Variants in LONRF2 observed in about 807,000 individuals in gnomAD.
The protein encoded by LONRF2 is LON peptidase N-terminal domain and RING finger protein 2.
Under a neutral mutation model 66.6 loss-of-function variants are expected in LONRF2, and 35 were observed. The observed-to-expected ratio is 0.53, with a 90% CI of 0.40 to 0.70. LONRF2 has a LOEUF of 0.70. LONRF2 is among the 30% of genes least tolerant of loss of function. LONRF2 has a pLI of 0.00. For missense variants in LONRF2, 902 were observed against 1,002.1 expected (o/e 0.90, Z 1.35); for synonymous variants, 417 against 418.1 (o/e 1.00, Z 0.03).
rs540829247 is a variant in LONRF2 at position 100,288,037 on chromosome 2, T to C, written c.1921-974A>G. Among the ~76,000 whole-genome samples, 8 of 152,292 alleles carry C rather than the reference T, an allele frequency of 5.3e-5. No individual in the cohort carries two copies. The South Asian group carries it at 1.7e-3, about 32-fold the overall frequency. On this transcript the variant is annotated intron_variant, in intron 10 of 11. Transcript: ENST00000393437. ...GTGATAGAGGATTTTCTTATAAAAA[T>C]AAGCTAAAATTATTTCATGTTGTAG...
rs1407677119 is a variant in LONRF2, at chr2:100,273,129, T to A, written c.*11169A>T. On this transcript the variant is annotated 3_prime_UTR_variant, in exon 12 of 12. Transcript: ENST00000393437. ...CAGAGGGAAGAAGGCCATGTGACGA[T>A]GGACACGGAAACTGGAGTGATGCAG... Among the ~76,000 whole-genome samples, 1 of 152,200 alleles carries A rather than the reference T, an allele frequency of 6.6e-6. No homozygotes were observed. Among genetic ancestry groups the A allele is most frequent in the African/African-American group, 2.4e-5 (1 of 41,440 alleles).
Position 100,302,925 on chromosome 2 carries a change from T to C in LONRF2, c.917A>G (p.Gln306Arg). 2 of 1,600,564 alleles carry C rather than the reference T, an allele frequency of 1.2e-6. No homozygotes were observed. The highest frequency in any genetic ancestry group is 8.5e-7 in the Non-Finnish European group (1 of 1,173,086). ...PECNSVKKEA[Q>R]KVMCEVLFSA... ...GTCCTTTAACAGAACTCATACCTTC[T>C]GTGCTTCTTTCTTCACAGAGTTACA... Residue 306 changes from glutamine (Q) to arginine (R), a missense_variant, in exon 3 of 12, where the codon CAG (glutamine) becomes CGG (arginine). Transcript: ENST00000393437.
At chr2:100,294,146 A>T in intron 9 of LONRF2, 83 bp downstream of exon 9, 1 of 1,525,932 alleles carries the variant, frequency 6.6e-7, no homozygotes, top group Non-Finnish European at 8.9e-7. Flanking sequence ...GTTTTCAAGC[A>T]TCAGCCTAAA....
At chr2:100,320,573 A>G (rs1446058752) in intron 1 of LONRF2, among the ~76,000 whole-genome samples, 2 of 152,242 alleles carry the variant, frequency 1.3e-5, no homozygotes, top group Non-Finnish European at 2.9e-5. Context: ...TTTAGTAACA[A>G]GAGATTCAAC....
chr2:100,297,347 C>T (rs944855721), intron 7 of LONRF2, among the ~76,000 whole-genome samples: 11 of 151,902 alleles, frequency 7.2e-5, no homozygotes, highest in Admixed American at 1.3e-4. Flanking sequence ...CCGTGTTAGC[C>T]GGGATGGTCT....
chr2:100,304,171 G>A (rs112892555), intron 2 of LONRF2, among the ~76,000 whole-genome samples: 2,970 of 149,238 alleles, frequency 0.02, 99 homozygotes, highest in African/African-American at 0.07. Context: ...TTCTTTTTTA[G>A]AGACAGGGTC....
At chr2:100,293,353 T>G (rs998705832) in intron 9 of LONRF2, among the ~76,000 whole-genome samples, 32 of 152,202 alleles carry the variant, frequency 2.1e-4, no homozygotes, top group African/African-American at 7.7e-4. Flanking sequence ...GGTGGAAAAT[T>G]CTGAGTGGCC....
intron 2 of LONRF2, among the ~76,000 whole-genome samples, chr2:100,307,019 G>C (rs1410768229): frequency 4.7e-5 from 7 of 149,792 alleles, no homozygotes; most frequent in Admixed American, 6.7e-5. Flanking sequence ...CTCCCGGGTT[G>C]ACGCCATTCT....
chr2:100,319,842 C>CAT (rs1286992534), intron 1 of LONRF2, among the ~76,000 whole-genome samples: 25 of 152,202 alleles, frequency 1.6e-4, no homozygotes, highest in African/African-American at 5.8e-4. Context: ...GGCACATATG[C>CAT]ATATACCTCT....
At chr2:100,306,171 C>T (rs879658889) in intron 2 of LONRF2, among the ~76,000 whole-genome samples, 3 of 152,140 alleles carry the variant, frequency 2.0e-5, no homozygotes, top group Admixed American at 6.5e-5. Flanking sequence ...GCCTCAGCCT[C>T]CCAAAGTGCT....
chr2:100,318,279 T>C (rs1675549159), intron 1 of LONRF2, among the ~76,000 whole-genome samples: 1 of 152,230 alleles, frequency 6.6e-6, no homozygotes, highest in Non-Finnish European at 1.5e-5. Context: ...ATTTTGAATT[T>C]CCAGGATACC....
Position 100,290,345 on chromosome 2 carries a change from C to G in LONRF2, c.1833G>C (p.Ala611=), listed in dbSNP as rs199722110. The G allele has an allele frequency of 3.7e-6, 6 of 1,614,180 alleles. No homozygotes were observed. In the Middle Eastern group the frequency reaches 6.6e-4, roughly 178 times the overall value. ...TFPDGSSVVD[A]IGISRFRVLS... is the part of the protein sequence containing the mutation. ...GCACTCGGAACCGACTGATGCCAAT[C>G]GCGTCTACAACAGAACTTCCATCAG... Residue 611 remains alanine, a synonymous_variant, in exon 10 of 12, where the codon GCG becomes GCC. Coordinates refer to ENST00000393437, the MANE Select transcript of LONRF2 (RefSeq NM_198461.4).
At chr2:100,316,630 A>G (rs1675513661) in intron 1 of LONRF2, among the ~76,000 whole-genome samples, 1 of 151,636 alleles carries the variant, frequency 6.6e-6, no homozygotes, top group African/African-American at 2.4e-5. Flanking sequence ...GCCAACTCCA[A>G]CGCTCTGCCT....
At chr2:100,316,896 A>AT (rs575389345) in intron 1 of LONRF2, among the ~76,000 whole-genome samples, 7 of 151,890 alleles carry the variant, frequency 4.6e-5, no homozygotes, top group South Asian at 4.2e-4. Context: ...ATTATTACAC[A>AT]TTTTTTTTCT....
At chr2:100,295,271 C>T (rs531610859) in intron 8 of LONRF2, among the ~76,000 whole-genome samples, 161 bp downstream of exon 8, 2 of 152,292 alleles carry the variant, frequency 1.3e-5, no homozygotes, top group African/African-American at 4.8e-5. Context: ...ATTCTTATAA[C>T]TGCTTGCAAT....
intron 1 of LONRF2, among the ~76,000 whole-genome samples, chr2:100,318,083 G>A (rs1675541864): frequency 6.6e-6 from 1 of 151,996 alleles, no homozygotes. Flanking sequence ...CTTCTTCCAG[G>A]ATTCCAATTT....
Position 100,290,316 on chromosome 2 carries a change from C to T in LONRF2, c.1862G>A (p.Ser621Asn), listed in dbSNP as rs1161586824. The T allele has an allele frequency of 6.2e-7, 1 of 1,614,006 alleles. No individual in the cohort carries two copies. Among genetic ancestry groups the T allele is most frequent in the East Asian group, 2.2e-5 (1 of 44,898 alleles). ...GTTATAGCCATCTCTGTGGCGGTGG[C>T]TTAGCACTCGGAACCGACTGATGCC... ...AIGISRFRVL[S>N]HRHRDGYNTA... The change falls in exon 10 of 12, where the codon AGC becomes AAC. Residue 621 changes from serine (S) to asparagine (N), a missense_variant. Physicochemically the swap from Ser to Asn is conservative, Grantham distance 46. Around this residue, in one of 2 missense-constraint regions of LONRF2, gnomAD observed 317 missense variants for 432.2 expected, o/e 0.73. Coordinates refer to ENST00000393437, the MANE Select transcript of LONRF2 (RefSeq NM_198461.4).
intron 4 of LONRF2, 88 bp from the exon 5 acceptor site, chr2:100,300,006 T>TG: frequency 2.1e-6 from 1 of 472,788 alleles, no homozygotes; most frequent in Non-Finnish European, 3.3e-6. Context: ...ACTAGAAATC[T>TG]TTGGAAAAAA....
chr2:100,307,112 G>T (rs2105731029), intron 2 of LONRF2, among the ~76,000 whole-genome samples: 1 of 152,142 alleles, frequency 6.6e-6, no homozygotes, highest in African/African-American at 2.4e-5. Context: ...AGTAGACACG[G>T]GGTGTCACCG....
Sources: gnomAD v4.1 joint callset for allele counts (sites outside exome capture counted in the v4.1 genomes callset) on GRCh38, gnomAD v4.1.1 for gene constraint, gnomAD v4.1.1 regional missense constraint, MANE v1.5 for transcripts, NCBI Gene and HGNC (gene_info 2026-07-23, HGNC 2026-07-21) for gene names.